Variants in CCDC191 observed in about 807,000 individuals in gnomAD.
CCDC191 encodes coiled-coil domain-containing protein 191.
A neutral mutation model predicts 114.0 loss-of-function variants in CCDC191; 99 were observed. That is an observed-to-expected ratio of 0.87 (90% CI 0.74 to 1.03). CCDC191 has a LOEUF of 1.03. Among genes scored for constraint, CCDC191 ranks in the 50% least tolerant of loss-of-function variants. The pLI, the probability that CCDC191 is intolerant of heterozygous loss-of-function variation, is 0.00. For synonymous variants in CCDC191, 351 were observed against 376.0 expected, an observed-to-expected ratio of 0.93 and a Z score of 0.77; for missense variants, 973 against 1,087.0, an observed-to-expected ratio of 0.90 and a Z score of 1.47.
chr3:113,985,905 G>T (rs2075338419), intron 13 of CCDC191, among the ~76,000 whole-genome samples: 1 of 152,088 alleles, frequency 6.6e-6, no homozygotes, highest in Non-Finnish European at 1.5e-5. Flanking sequence ...TGAACAACAG[G>T]TCTGGCCTTC....
chr3:114,054,861 A>G (rs1291756669), intron 1 of CCDC191, among the ~76,000 whole-genome samples: 2 of 152,142 alleles, frequency 1.3e-5, no homozygotes, highest in Non-Finnish European at 2.9e-5. Context: ...GTCACTTAAC[A>G]AATAGAGTTA....
chr3:114,039,898 A>C (rs2076537614), intron 4 of CCDC191, among the ~76,000 whole-genome samples: 1 of 152,124 alleles, frequency 6.6e-6, no homozygotes, highest in African/African-American at 2.4e-5. Flanking sequence ...AGAAAGAAAA[A>C]TATGTTTTTA....
chr3:114,044,617 T>G (rs1367504307), intron 3 of CCDC191, among the ~76,000 whole-genome samples: 1 of 152,180 alleles, frequency 6.6e-6, no homozygotes, highest in South Asian at 2.1e-4. Context: ...TAGCAACAAA[T>G]GCCATTGGCT....
At chr3:113,984,166 A>T (rs1330906878) in intron 13 of CCDC191, 1 of 152,142 alleles carries the variant, frequency 6.6e-6, no homozygotes, top group Non-Finnish European at 1.5e-5. Context: ...ATCTCATAAT[A>T]TCTCTCCAAA....
chr3:114,016,314 A>G (rs1484793994), intron 8 of CCDC191, among the ~76,000 whole-genome samples: 1 of 152,206 alleles, frequency 6.6e-6, no homozygotes, highest in South Asian at 2.1e-4. Context: ...ATCAAGTTAA[A>G]TTGCAGGAGA....
chr3:114,054,384 G>C (rs1286094321), intron 1 of CCDC191, among the ~76,000 whole-genome samples: 1 of 152,150 alleles, frequency 6.6e-6, no homozygotes, highest in Non-Finnish European at 1.5e-5. Flanking sequence ...TGTAATCCCA[G>C]CACTTTGGGA....
chr3:114,047,235 G>T (rs1464382647), intron 2 of CCDC191: 1 of 488,158 alleles, frequency 2.0e-6, no homozygotes, highest in East Asian at 1.5e-4. Flanking sequence ...TCACTGAACT[G>T]TAGCCATCTA....
chr3:114,004,843 G>A, intron 10 of CCDC191, 97 bp from the exon 11 acceptor site: 8 of 1,260,480 alleles, frequency 6.3e-6, no homozygotes, highest in Non-Finnish European at 8.7e-6. Context: ...AGACCTTAAT[G>A]AATCCCTACT....
At position 114,004,730 on chromosome 3, in the gene CCDC191, G is replaced by A. The variant is rs926243781; in HGVS notation, c.1885C>T (p.Pro629Ser). Residue 629 changes from proline (P) to serine (S), a missense_variant, in exon 11 of 17, where the codon CCT (proline) becomes TCT (serine). By Grantham distance (74) the Pro-to-Ser change is moderately conservative. Coordinates refer to ENST00000295878, the MANE Select transcript of CCDC191 (RefSeq NM_020817.2). ...QMLVNSPVAS[P>S]GTEGRSDSRN... ...GAGTCACTTCTGCCTTCAGTCCCAGGGGAAGCAACAGGTGAACTAGGGAAA... is the reference window on the plus strand; with the variant it reads ...GAGTCACTTCTGCCTTCAGTCCCAGAGGAAGCAACAGGTGAACTAGGGAAA... The A allele has an allele frequency of 5.0e-6, 8 of 1,610,362 alleles. No homozygotes were observed. Among genetic ancestry groups the A allele is most frequent in the Non-Finnish European group, 6.8e-6 (8 of 1,178,740 alleles).
chr3:114,055,140 G>A (rs1408661527), intron 1 of CCDC191, among the ~76,000 whole-genome samples: 2 of 152,054 alleles, frequency 1.3e-5, no homozygotes, highest in South Asian at 2.1e-4. Context: ...GATAACTAAC[G>A]CAGCTGTACT....
rs149751163 is a variant in CCDC191, at chr3:114,020,123, T to G, written c.973-1255A>C. Among the ~76,000 whole-genome samples, 75 of 152,230 alleles carry G rather than the reference T, an allele frequency of 4.9e-4. 2 individuals are homozygous for G. Among genetic ancestry groups the G allele is most frequent in the African/African-American group, 1.8e-3 (74 of 41,560 alleles). On this transcript the variant is annotated intron_variant, in intron 7 of 16. Transcript: ENST00000295878. ...GGATTTGCCTGATTTATCAGGCAAA[T>G]ATTTACTGCTTCTTTCTCTATAAAA...
At chr3:113,979,134 T>C in intron 14 of CCDC191, 124 bp from the exon 15 acceptor site, 1 of 850,466 alleles carries the variant, frequency 1.2e-6, no homozygotes, top group South Asian at 1.7e-5. Flanking sequence ...AATCTGAAGG[T>C]ACATGCAGCC....
rs183452991 is a variant in CCDC191 at position 114,033,704 on chromosome 3, T to C, written c.818+1221A>G. 3.9e-5 allele frequency among the ~76,000 whole-genome samples: 6 copies of C among 152,372 alleles called. No individual in the cohort carries two copies. The East Asian group carries it at 1.2e-3, about 29-fold the overall frequency. On this transcript the variant is annotated intron_variant, in intron 6 of 16. Transcript: ENST00000295878. ...AATTTATTTTAGGTCAACCTAGTTT[T>C]TCCAGGGCTTGGGAGCAATATGAAA...
intron 13 of CCDC191, among the ~76,000 whole-genome samples, chr3:114,000,719 C>G (rs2075839919): frequency 6.6e-6 from 1 of 152,022 alleles, no homozygotes. Flanking sequence ...GGCACAATGA[C>G]AGCTCACTGC....
chr3:114,016,230 A>T (rs764612199), intron 8 of CCDC191, among the ~76,000 whole-genome samples: 1 of 152,258 alleles, frequency 6.6e-6, no homozygotes, highest in Non-Finnish European at 1.5e-5. Flanking sequence ...AAGTTTCTAT[A>T]GTGAGTAACC....
chr3:113,984,500 T>C (rs1386814087), intron 13 of CCDC191: 2 of 152,198 alleles, frequency 1.3e-5, no homozygotes, highest in Non-Finnish European at 2.9e-5. Flanking sequence ...AAAGAATTGC[T>C]TGGCAGAACT....
At chr3:113,977,132 A>G (rs1015730623) in intron 16 of CCDC191, among the ~76,000 whole-genome samples, 1 of 152,216 alleles carries the variant, frequency 6.6e-6, no homozygotes, top group Non-Finnish European at 1.5e-5. Context: ...CCCTGTTTCT[A>G]CTAAAAAGAC....
At chr3:114,035,567 C>T (rs889726684) in intron 5 of CCDC191, among the ~76,000 whole-genome samples, 1 of 152,148 alleles carries the variant, frequency 6.6e-6, no homozygotes, top group Non-Finnish European at 1.5e-5. Flanking sequence ...AATGATAGAA[C>T]AGTGATTTAT....
intron 7 of CCDC191, among the ~76,000 whole-genome samples, chr3:114,027,618 A>AAAAAG (rs1559919979): frequency 2.0e-5 from 3 of 148,758 alleles, no homozygotes; most frequent in Non-Finnish European, 3.0e-5. Context: ...AAAAAAAAAA[A>AAAAAG]AAAAGAAAAA....
Sources: allele counts gnomAD v4.1 joint callset (sites outside exome capture counted in the v4.1 genomes callset), GRCh38; gene constraint gnomAD v4.1.1; transcripts MANE v1.5; gene names NCBI Gene and HGNC (gene_info 2026-07-23, HGNC 2026-07-21).